The following LRRIQ1 variants were observed in gnomAD, a reference collection of about 807,000 sequenced individuals.
LRRIQ1 encodes the protein leucine-rich repeat- and IQ domain-containing protein 1.
In LRRIQ1, 210 loss-of-function variants were observed where a neutral mutation model predicts 211.9. The observed-to-expected ratio is 0.99, with a 90% confidence interval of 0.89 to 1.11. The LOEUF is 1.11. Ranked by LOEUF, LRRIQ1 falls within the 50% of genes most tolerant of loss-of-function variation. The pLI is 0.00. For missense variants in LRRIQ1, 2,136 were observed against 1,939.5 expected, an observed-to-expected ratio of 1.10 and a Z score of -1.90; for synonymous variants, 699 against 650.1, an observed-to-expected ratio of 1.08 and a Z score of -1.14.
At chr12:85,037,578 T>C (rs947602881) in intron 1 of LRRIQ1, among the ~76,000 whole-genome samples, 1 of 151,686 alleles carries the variant, frequency 6.6e-6, no homozygotes, top group African/African-American at 2.4e-5. Context: ...TAGAACTGAT[T>C]TTGAGATGAT....
At chr12:85,127,130 A>G (rs1368506747) in intron 17 of LRRIQ1, among the ~76,000 whole-genome samples, 2 of 152,228 alleles carry the variant, frequency 1.3e-5, no homozygotes, top group Non-Finnish European at 2.9e-5. Context: ...TCTGATTAGT[A>G]AGAGTTAAAT....
intron 19 of LRRIQ1, among the ~76,000 whole-genome samples, chr12:85,144,510 G>GT (rs1889758221): frequency 6.6e-6 from 1 of 151,614 alleles, no homozygotes; most frequent in African/African-American, 2.4e-5. Context: ...TGAAAATAAA[G>GT]TGAGGGAATA....
intron 15 of LRRIQ1, among the ~76,000 whole-genome samples, chr12:85,107,820 G>C (rs1886889557): frequency 6.6e-6 from 1 of 151,896 alleles, no homozygotes; most frequent in Non-Finnish European, 1.5e-5. Flanking sequence ...TCTGCTTTCA[G>C]ACTCATCTAT....
chr12:85,090,807 T>A (rs2131953), intron 11 of LRRIQ1, among the ~76,000 whole-genome samples: 8,711 of 152,236 alleles, frequency 0.057, 843 homozygotes, highest in African/African-American at 0.2. Flanking sequence ...TTTAGGGGAC[T>A]GTTGGGAAGG....
At chr12:85,155,697 T>G (rs758344436) in intron 23 of LRRIQ1, among the ~76,000 whole-genome samples, 5 of 151,638 alleles carry the variant, frequency 3.3e-5, no homozygotes, top group Admixed American at 6.6e-5. Flanking sequence ...TTTAAAAGTA[T>G]TTGTAATGTT....
At chr12:85,102,565 T>C (rs1428047825) in intron 13 of LRRIQ1, among the ~76,000 whole-genome samples, 1 of 151,722 alleles carries the variant, frequency 6.6e-6, no homozygotes, top group Non-Finnish European at 1.5e-5. Flanking sequence ...ATCTTCTTTC[T>C]CTCTGCTAAT....
chr12:85,202,424 C>T (rs1893342706), intron 24 of LRRIQ1, among the ~76,000 whole-genome samples: 1 of 152,140 alleles, frequency 6.6e-6, no homozygotes, highest in African/African-American at 2.4e-5. Context: ...TAAGCCTCTT[C>T]ATAGATCTCT....
rs1881009250 is a variant in LRRIQ1 at position 85,056,036 on chromosome 12, A to G, written c.1243A>G (p.Ile415Val). 1.2e-6 allele frequency: 2 copies of G among 1,600,670 alleles called. No individual in the cohort carries two copies. Among genetic ancestry groups the G allele is most frequent in the Middle Eastern group, 1.7e-4 (1 of 5,968 alleles). ...TAACAAACATTTAAGTCTTGAAGAT[A>G]TTTCAAATGATAAGGGTGATATAGC... Reference protein sequence around the residue: ...YNNKHLSLEDISNDKGDIAKN... With the variant: ...YNNKHLSLEDVSNDKGDIAKN... Residue 415 changes from isoleucine to valine, a missense_variant, in exon 8 of 27, where the codon ATT becomes GTT. Transcript: ENST00000393217.
Position 85,121,736 on chromosome 12 carries a change from C to T in LRRIQ1, c.3417C>T (p.Leu1139=), listed in dbSNP as rs2136426236. The change falls in exon 16 of 27, where the codon CTC becomes CTT. Residue 1139 remains leucine (L), a synonymous_variant. Transcript: ENST00000393217. ...LLKVLPALRI[L]NGNILNSNSE... is the part of the protein sequence containing the mutation. ...AAGTGTTGCCTGCTCTGAGAATCCT[C>T]AATGGCAATATACTAAACTCTAATT... 2 of 1,600,474 alleles carry T rather than the reference C, an allele frequency of 1.2e-6. No individual in the cohort carries two copies. Among genetic ancestry groups the T allele is most frequent in the African/African-American group, 1.3e-5 (1 of 74,466 alleles).
intron 12 of LRRIQ1, 23 bp downstream of exon 12, chr12:85,098,571 T>C: frequency 6.4e-7 from 1 of 1,553,606 alleles, no homozygotes; most frequent in East Asian, 2.3e-5. Context: ...AATTAATTGA[T>C]TTCTGTGATA....
chr12:85,177,470 AG>A (rs1891763464), intron 24 of LRRIQ1, among the ~76,000 whole-genome samples: 1 of 152,090 alleles, frequency 6.6e-6, no homozygotes, highest in African/African-American at 2.4e-5. Flanking sequence ...GCTGAGTAAA[AG>A]TAACTAGGCA....
rs764958351 is a variant in LRRIQ1, at chr12:85,098,904, T to A, written c.3119T>A (p.Leu1040Ter). 2.6e-6 allele frequency: 4 copies of A among 1,566,344 alleles called. No homozygotes were observed. In the South Asian group the frequency reaches 4.8e-5, roughly 19 times the overall value. Residue 1040 changes from leucine to a stop codon, truncating the protein, a stop_gained, in exon 13 of 27, where the codon TTG becomes TAG. Transcript: ENST00000393217. LOFTEE classifies it high-confidence loss of function. ...SLENLVLLRE[L>*]HLDDNSISTV... is the part of the protein sequence containing the mutation. ...GAGAATCTTGTTTTACTAAGAGAAT[T>A]GCACTTGGATGATAACAGCATTTCA... is the stretch of plus-strand genomic sequence containing the variant.
the LRRIQ1 span, among the ~76,000 whole-genome samples, chr12:85,270,905 G>A: frequency 7.2e-5 from 11 of 152,170 alleles, no homozygotes; most frequent in South Asian, 1.9e-3. Flanking sequence ...TACATTTTTG[G>A]TGTTATAGAT....
chr12:85,188,219 A>G (rs958938380), intron 24 of LRRIQ1, among the ~76,000 whole-genome samples: 5 of 152,214 alleles, frequency 3.3e-5, no homozygotes, highest in Middle Eastern at 3.4e-3. Flanking sequence ...ATCATGTAAC[A>G]TGATTCTTGT....
rs182552827 is a variant in LRRIQ1 at position 85,122,987 on chromosome 12, A to G, written c.3558-1083A>G. Among the ~76,000 whole-genome samples, 400 of 152,158 alleles carry G rather than the reference A, an allele frequency of 2.6e-3. 4 individuals carry two copies. The highest frequency in any genetic ancestry group is 9.4e-3 in the African/African-American group (392 of 41,568). The stretch of plus-strand genomic sequence containing the variant: ...GAAAATGGAAAGACTATAGGAAGAA[A>G]GAAAATTCTAATTTTATAATATGTA... On this transcript the variant is annotated intron_variant, in intron 16 of 26. Transcript: ENST00000393217.
chr12:85,090,334 C>G (rs923179146), intron 11 of LRRIQ1, among the ~76,000 whole-genome samples: 1 of 152,134 alleles, frequency 6.6e-6, no homozygotes, highest in Admixed American at 6.5e-5. Flanking sequence ...GAGGCACTAC[C>G]TAGTAGAGCT....
the LRRIQ1 span, among the ~76,000 whole-genome samples, chr12:85,271,997 A>AT: frequency 6.6e-6 from 1 of 152,130 alleles, no homozygotes; most frequent in Non-Finnish European, 1.5e-5. Context: ...ACCTGAAGAA[A>AT]TTTTTTAAAG....
At chr12:85,134,745 G>C (rs543149802) in intron 18 of LRRIQ1, among the ~76,000 whole-genome samples, 1 of 152,144 alleles carries the variant, frequency 6.6e-6, no homozygotes, top group South Asian at 2.1e-4. Flanking sequence ...TGCACTATCT[G>C]TGACTTTCTA....
chr12:85,177,300 T>C (rs1376343295), intron 24 of LRRIQ1, among the ~76,000 whole-genome samples: 1 of 152,036 alleles, frequency 6.6e-6, no homozygotes, highest in Non-Finnish European at 1.5e-5. Context: ...CCACCTGTAA[T>C]AGAGTTCTCT....
Sources: allele counts gnomAD v4.1 joint callset (sites outside exome capture counted in the v4.1 genomes callset), GRCh38; gene constraint gnomAD v4.1.1; transcripts MANE v1.5; gene names NCBI Gene and HGNC (gene_info 2026-07-23, HGNC 2026-07-21).